The following LEF1 variants were observed in gnomAD, a reference collection of about 807,000 sequenced individuals.
The protein encoded by LEF1 is lymphoid enhancer-binding factor 1.
LEF1 carries 14 observed loss-of-function variants against 51.2 expected under a neutral mutation model. The ratio of observed to expected loss-of-function variants is 0.27; its 90% confidence interval spans 0.18 to 0.43. The LOEUF (loss-of-function observed/expected upper bound fraction) is 0.43, where lower values mean the gene tolerates loss of function less well. LEF1 is among the 20% of genes least tolerant of loss of function. The probability of loss-of-function intolerance (pLI) is 1.00; values close to 1 mark genes in which losing one functional copy is unlikely to be tolerated. For synonymous variants in LEF1, 185 were observed against 183.2 expected (o/e 1.01, Z -0.08); for missense variants, 386 against 512.0 (o/e 0.75, Z 2.37).
At chr4:108,075,962 T>C (rs1738826567) in intron 8 of LEF1, among the ~76,000 whole-genome samples, 1 of 152,186 alleles carries the variant, frequency 6.6e-6, no homozygotes, top group South Asian at 2.1e-4. Flanking sequence ...TCTGCTTCTG[T>C]CCTGGAAGGA....
intron 11 of LEF1, among the ~76,000 whole-genome samples, chr4:108,060,283 ATAAAT>A (rs1434607332): frequency 6.6e-6 from 1 of 152,182 alleles, no homozygotes. Context: ...AATGATGACT[ATAAAT>A]TAGGAAATAA....
chr4:108,081,694 C>A, intron 5 of LEF1, 25 bp from the exon 6 acceptor site: 1 of 1,585,756 alleles, frequency 6.3e-7, no homozygotes, highest in East Asian at 2.2e-5. Flanking sequence ...GAAAGGAACC[C>A]ATCAATGACA....
intron 11 of LEF1, among the ~76,000 whole-genome samples, chr4:108,053,952 T>C (rs1450352323): frequency 6.6e-6 from 1 of 152,244 alleles, no homozygotes; most frequent in Admixed American, 6.5e-5. Flanking sequence ...CTAAAGATGT[T>C]AAGTTCACCT....
chr4:108,111,105 C>A (rs774793327), intron 3 of LEF1, among the ~76,000 whole-genome samples: 7 of 152,114 alleles, frequency 4.6e-5, no homozygotes, highest in Admixed American at 1.3e-4. Context: ...ATAGGATACA[C>A]CAAATGAAAG....
chr4:108,072,935 G>A (rs1738586203), intron 8 of LEF1: 1 of 152,288 alleles, frequency 6.6e-6, no homozygotes, highest in Non-Finnish European at 1.5e-5. Context: ...GTTTTTAAGA[G>A]ACAGGGTTTC....
intron 3 of LEF1, among the ~76,000 whole-genome samples, chr4:108,157,175 T>TACACACACAC (rs1425931310): frequency 0.018 from 1,037 of 57,338 alleles, 8 homozygotes; most frequent in South Asian, 0.029. Context: ...TCTCTATATA[T>TACACACACAC]ATATACACAC....
intron 3 of LEF1, among the ~76,000 whole-genome samples, chr4:108,111,758 C>A (rs1741547242): frequency 6.6e-6 from 1 of 152,040 alleles, no homozygotes; most frequent in South Asian, 2.1e-4. Context: ...CAAAAAAATA[C>A]AAAAAAATTA....
At chr4:108,124,112 C>G (rs1742357604) in intron 3 of LEF1, among the ~76,000 whole-genome samples, 1 of 152,072 alleles carries the variant, frequency 6.6e-6, no homozygotes, top group South Asian at 2.1e-4. Context: ...TGCACTCCAG[C>G]CTGTGGAACA....
chr4:108,087,464 C>A (rs1739725906), intron 4 of LEF1, among the ~76,000 whole-genome samples: 1 of 151,628 alleles, frequency 6.6e-6, no homozygotes, highest in African/African-American at 2.4e-5. Context: ...TATAACTTAA[C>A]AATTATGCAA....
At chr4:108,055,843 T>C (rs1417674643) in intron 11 of LEF1, among the ~76,000 whole-genome samples, 1 of 152,214 alleles carries the variant, frequency 6.6e-6, no homozygotes, top group African/African-American at 2.4e-5. Flanking sequence ...AGAGAAAAGA[T>C]AATTGATGGA....
chr4:108,061,619 G>A (rs1737696969), intron 11 of LEF1, among the ~76,000 whole-genome samples: 1 of 140,542 alleles, frequency 7.1e-6, no homozygotes, highest in African/African-American at 2.6e-5. Context: ...TAAGTGTTCA[G>A]TAATTAAAAC....
chr4:108,139,131 C>T (rs1190172516), intron 3 of LEF1, among the ~76,000 whole-genome samples: 2 of 152,188 alleles, frequency 1.3e-5, no homozygotes, highest in Admixed American at 1.3e-4. Context: ...GAACATACTG[C>T]TAAGCTTCAA....
At chr4:108,132,233 A>T (rs1468276566) in intron 3 of LEF1, among the ~76,000 whole-genome samples, 3 of 152,166 alleles carry the variant, frequency 2.0e-5, no homozygotes, top group African/African-American at 4.8e-5. Flanking sequence ...TCTGGAGACG[A>T]TTCTGTTCCC....
chr4:108,168,205 G>C lies in LEF1; in HGVS notation c.-438C>G, dbSNP rs1438441267. ...AAAGTGCAGAGGAGGGTCCGGCGGC[G>C]CGTCTCCGCGGAAACCCTCTCCACT... On this transcript the variant is annotated 5_prime_UTR_variant, in exon 1 of 12. Transcript: ENST00000265165. The surrounding 1 kb of genome is among the most constrained non-coding windows in gnomAD (Gnocchi z 4.6). 6.6e-6 allele frequency: 1 copy of C among 152,216 alleles called. No homozygotes were observed. The highest frequency in any genetic ancestry group is 2.4e-5 in the African/African-American group (1 of 41,462). The allele number at this position is 152,216 out of a possible 1,614,324, so 9.4% of individuals were successfully genotyped here. A position where few individuals can be genotyped will look rare whatever the true frequency, so the allele number is the denominator to read the frequency against.
intron 4 of LEF1, 83 bp downstream of exon 4, chr4:108,089,042 G>T: frequency 1.3e-6 from 2 of 1,483,546 alleles, no homozygotes; most frequent in Non-Finnish European, 1.9e-6. Flanking sequence ...TGGAGCACTG[G>T]CATCTGGAAG....
chr4:108,111,534 C>T (rs1206736568), intron 3 of LEF1, among the ~76,000 whole-genome samples: 2 of 152,168 alleles, frequency 1.3e-5, no homozygotes, highest in African/African-American at 4.8e-5. Context: ...ATTTCCAGCC[C>T]TAACTGTCAT....
chr4:108,155,563 A>G (rs978063996), intron 3 of LEF1, among the ~76,000 whole-genome samples: 21 of 152,202 alleles, frequency 1.4e-4, no homozygotes, highest in Non-Finnish European at 2.9e-4. Flanking sequence ...AGAGTCAAGC[A>G]CTTCTTATAG....
chr4:108,110,136 T>C (rs966117691), intron 3 of LEF1, among the ~76,000 whole-genome samples: 2 of 152,222 alleles, frequency 1.3e-5, no homozygotes, highest in Non-Finnish European at 2.9e-5. Context: ...CAGGTGGCAT[T>C]GTTGGCAAAC....
intron 3 of LEF1, among the ~76,000 whole-genome samples, chr4:108,092,845 C>T (rs373270433): frequency 4.4e-4 from 64 of 146,534 alleles, no homozygotes; most frequent in African/African-American, 1.5e-3. Context: ...CTCTAATTCT[C>T]GCAGCTTACT....
Sources: allele counts gnomAD v4.1 joint callset (sites outside exome capture counted in the v4.1 genomes callset), GRCh38; gene constraint gnomAD v4.1.1; non-coding constraint Gnocchi (gnomAD v3.1); transcripts MANE v1.5; gene names NCBI Gene and HGNC (gene_info 2026-07-23, HGNC 2026-07-21).